VHL: variants seen among roughly 807,000 people sequenced by gnomAD.
The protein encoded by VHL is von Hippel-Lindau disease tumor suppressor.
VHL carries 10 observed loss-of-function variants against 19.2 expected under a neutral mutation model. The ratio of observed to expected loss-of-function variants is 0.52; its 90% confidence interval spans 0.32 to 0.89. The LOEUF (loss-of-function observed/expected upper bound fraction) is 0.89. Ranked by LOEUF, VHL falls within the 40% of genes least tolerant of loss-of-function variation. The probability of loss-of-function intolerance (pLI) is 0.03; values close to 1 mark genes in which losing one functional copy is unlikely to be tolerated. For missense variants in VHL, 328 were observed against 292.7 expected, an observed-to-expected ratio of 1.12 and a Z score of -0.88; for synonymous variants, 167 against 129.5, an observed-to-expected ratio of 1.29 and a Z score of -1.97.
At position 10,150,533 on chromosome 3, in the gene VHL, C is replaced by T; in HGVS notation, c.*568C>T. 3.4e-6 allele frequency: 1 copy of T among 297,250 alleles called. No homozygotes were observed. Among genetic ancestry groups the T allele is most frequent in the African/African-American group, 2.2e-5 (1 of 46,400 alleles). The allele number at this position is 297,250 out of a possible 1,614,324, so 18.4% of individuals were successfully genotyped here. ...TGTTAGAAAGTGCTTAGAGGTTCTGCCTCTATTTTTGTTGGGGGGTGGGAG... is the reference window on the plus strand; with the variant it reads ...TGTTAGAAAGTGCTTAGAGGTTCTGTCTCTATTTTTGTTGGGGGGTGGGAG... On this transcript the variant is annotated 3_prime_UTR_variant, in exon 3 of 3. Coordinates refer to ENST00000256474, the MANE Select transcript of VHL (RefSeq NM_000551.4).
intron 2 of VHL, 26 bp downstream of exon 2, chr3:10,146,662 G>A (rs2125128585): frequency 6.2e-7 from 1 of 1,612,218 alleles, no homozygotes; most frequent in Non-Finnish European, 8.5e-7. Context: ...TTTTTAAAAA[G>A]ATAAGGTTGT....
At chr3:10,146,151 C>T (rs1467637124) in intron 1 of VHL, among the ~76,000 whole-genome samples, 1 of 150,342 alleles carries the variant, frequency 6.7e-6, no homozygotes, top group Non-Finnish European at 1.5e-5. Flanking sequence ...AAATAGGTGC[C>T]CTGACTCAGA....
rs2125124873 is a variant in VHL at position 10,142,010 on chromosome 3, G to C, written c.163G>C (p.Glu55Gln). The C allele has an allele frequency of 2.5e-6, 4 of 1,588,516 alleles. No individual in the cohort carries two copies. The highest frequency in any genetic ancestry group is 3.4e-6 in the Non-Finnish European group (4 of 1,169,120). Reference sequence around the variant, plus strand: ...GGAACTGGGCGCCGAGGAGGAGATGGAGGCCGGGCGGCCGCGGCCCGTGCT... The same window carrying C: ...GGAACTGGGCGCCGAGGAGGAGATGCAGGCCGGGCGGCCGCGGCCCGTGCT... The part of the protein sequence containing the change: ...PEELGAEEEM[E>Q]AGRPRPVLRS... The change falls in exon 1 of 3, where the codon GAG becomes CAG. Residue 55 changes from glutamate (E) to glutamine (Q), a missense_variant. Transcript: ENST00000256474.
rs886397022 is a variant in VHL at position 10,153,307 on chromosome 3, C to A, written c.*3342C>A. The stretch of plus-strand genomic sequence containing the variant: ...AAAAAAACAAAAAACAAAAATTATC[C>A]AGGTGTGGCGGTGGGCGCCTGTGAG... On this transcript the variant is annotated 3_prime_UTR_variant, in exon 3 of 3. Transcript: ENST00000256474. Among the ~76,000 whole-genome samples, 1 of 151,682 alleles carries A rather than the reference C, an allele frequency of 6.6e-6. No individual in the cohort carries two copies. The highest frequency in any genetic ancestry group is 1.5e-5 in the Non-Finnish European group (1 of 67,900).
At chr3:10,146,752 T>G in intron 2 of VHL, 116 bp downstream of exon 2, 4 of 1,245,778 alleles carry the variant, frequency 3.2e-6, no homozygotes, top group Non-Finnish European at 4.7e-6. Context: ...CGTTATCCAA[T>G]CTTTTTGTAT....
chr3:10,146,763 C>T (rs1363885774), intron 2 of VHL, 127 bp downstream of exon 2: 2 of 1,186,502 alleles, frequency 1.7e-6, no homozygotes, highest in Non-Finnish European at 2.5e-6. Context: ...CTTTTTGTAT[C>T]CTATTCTCTA....
At chr3:10,149,730 C>G (rs1330819277) in intron 2 of VHL, 57 bp from the exon 3 acceptor site, 1 of 1,481,650 alleles carries the variant, frequency 6.7e-7, no homozygotes, top group Non-Finnish European at 9.4e-7. Flanking sequence ...GCCTCTTGTT[C>G]GTTCCTTGTA....
chr3:10,142,999 G>C lies in VHL; in HGVS notation c.340+812G>C, dbSNP rs1696164675. On this transcript the variant is annotated intron_variant, in intron 1 of 2. Transcript: ENST00000256474. Reference sequence around the variant, plus strand: ...CCCGGAGAAGGAAGAGAGCAGGATGGAGTAGGAACTAGCCAACCCTAGGTA... The same window carrying C: ...CCCGGAGAAGGAAGAGAGCAGGATGCAGTAGGAACTAGCCAACCCTAGGTA... 1 of 152,308 alleles carries C rather than the reference G, an allele frequency of 6.6e-6. No individual in the cohort carries two copies. Among genetic ancestry groups the C allele is most frequent in the Non-Finnish European group, 1.5e-5 (1 of 68,108 alleles). The allele number at this position is 152,308 out of a possible 1,614,324, so 9.4% of individuals were successfully genotyped here. A position where few individuals can be genotyped will look rare whatever the true frequency, so the allele number is the denominator to read the frequency against.
At position 10,152,060 on chromosome 3, in the gene VHL, CAA is replaced by C. The variant is rs757106274; in HGVS notation, c.*2116_*2117del. ...TGGGGGACAGAGCAAGACCCTGCCT[CAA>C]AAAAAAAAAAAAAAAAAAAATCAGG... On this transcript the variant is annotated 3_prime_UTR_variant, in exon 3 of 3. Transcript: ENST00000256474. 545 of 89,158 alleles carry C rather than the reference CAA, an allele frequency of 6.1e-3. 1 individual carries two copies. Among genetic ancestry groups the C allele is most frequent in the East Asian group, 0.029 (92 of 3,226 alleles). The allele number at this position is 89,158 out of a possible 1,614,324, so 5.5% of individuals were successfully genotyped here. A position where few individuals can be genotyped will look rare whatever the true frequency, so the allele number is the denominator to read the frequency against.
intron 1 of VHL, among the ~76,000 whole-genome samples, chr3:10,145,022 T>C (rs1016121849): frequency 9.9e-5 from 15 of 152,088 alleles, no homozygotes; most frequent in Admixed American, 2.0e-4. Context: ...TGGAACCCTG[T>C]CTCTGCTAAA....
intron 2 of VHL, 32 bp from the exon 3 acceptor site, chr3:10,149,755 T>C (rs778294945): frequency 1.3e-6 from 2 of 1,587,918 alleles, no homozygotes; most frequent in East Asian, 4.5e-5. Context: ...GACCCTAGTC[T>C]GCCACTGAGG....
intron 1 of VHL, 88 bp from the exon 2 acceptor site, chr3:10,146,426 G>A (rs937966634): frequency 1.2e-5 from 19 of 1,571,836 alleles, no homozygotes; most frequent in Middle Eastern, 1.7e-4. Flanking sequence ...CGCCTGCCTC[G>A]GCCTCCCAAA....
intron 2 of VHL, among the ~76,000 whole-genome samples, chr3:10,147,348 C>G (rs1696286460): frequency 7.2e-6 from 1 of 137,954 alleles, no homozygotes; most frequent in African/African-American, 2.8e-5. Flanking sequence ...CTCACAGTGC[C>G]AATCAGAGGT....
intron 1 of VHL, among the ~76,000 whole-genome samples, chr3:10,145,705 C>CAAAAAAA (rs35732631): frequency 7.5e-6 from 1 of 133,770 alleles, no homozygotes. Context: ...GACTGCATCT[C>CAAAAAAA]AAAAAAAAAA....
At position 10,153,488 on chromosome 3, in the gene VHL, T is replaced by G. The variant is rs17610448; in HGVS notation, c.*3523T>G. Among the ~76,000 whole-genome samples the G allele has an allele frequency of 0.02, 3,070 of 152,210 alleles. 49 individuals carry two copies. Among genetic ancestry groups the G allele is most frequent in the Admixed American group, 0.035 (534 of 15,280 alleles). ...CCGTTTGAGTACTGTGTTTTTGGTG[T>G]TGTCCAAGGAAAATTAAAAACCTGT... On this transcript the variant is annotated 3_prime_UTR_variant, in exon 3 of 3. Transcript: ENST00000256474.
intron 2 of VHL, among the ~76,000 whole-genome samples, chr3:10,147,666 G>GT (rs745799758): frequency 2.9e-3 from 405 of 140,548 alleles, no homozygotes; most frequent in East Asian, 7.7e-3. Context: ...CGTCCAGCCT[G>GT]TTTTTTTTTT....
intron 2 of VHL, among the ~76,000 whole-genome samples, chr3:10,148,846 C>G (rs1374309275): frequency 6.6e-6 from 1 of 150,674 alleles, no homozygotes; most frequent in Non-Finnish European, 1.5e-5. Context: ...TAATTTTTTG[C>G]ATTTTAGTGG....
At chr3:10,149,691 C>A in intron 2 of VHL, 96 bp from the exon 3 acceptor site, 1 of 1,064,238 alleles carries the variant, frequency 9.4e-7, no homozygotes, top group African/African-American at 1.5e-5. Context: ...AAGTGAGATC[C>A]ATCAGTAGTA....
In VHL at chr3:10,150,064, TG is replaced by T; in HGVS notation, c.*100del. Reference sequence around the variant, plus strand: ...ACTGGTTCCTTCCTTAGTTTCAAAGTGTCTCATTCTCAGAGTAAAATAGGCA... The same window carrying T: ...ACTGGTTCCTTCCTTAGTTTCAAAGTTCTCATTCTCAGAGTAAAATAGGCA... On this transcript the variant is annotated 3_prime_UTR_variant, in exon 3 of 3. Transcript: ENST00000256474. 1 of 1,548,552 alleles carries T rather than the reference TG, an allele frequency of 6.5e-7. No individual in the cohort carries two copies. Among genetic ancestry groups the T allele is most frequent in the Non-Finnish European group, 8.7e-7 (1 of 1,145,926 alleles).
Sources: allele counts gnomAD v4.1 joint callset (sites outside exome capture counted in the v4.1 genomes callset), GRCh38; gene constraint gnomAD v4.1.1; transcripts MANE v1.5; gene names NCBI Gene and HGNC (gene_info 2026-07-23, HGNC 2026-07-21).